CPEB2: variants seen among roughly 807,000 people sequenced by gnomAD.
CPEB2 encodes the protein cytoplasmic polyadenylation element-binding protein 2.
In CPEB2, 56 loss-of-function variants were observed where a neutral mutation model predicts 93.6. The observed-to-expected ratio is 0.60, with a 90% CI of 0.48 to 0.75. The LOEUF (loss-of-function observed/expected upper bound fraction) is 0.75. Ranked by LOEUF, CPEB2 falls within the 30% of genes least tolerant of loss-of-function variation. The pLI, the probability that CPEB2 is intolerant of heterozygous loss-of-function variation, is 0.00. For synonymous variants in CPEB2, 764 were observed against 586.3 expected, an observed-to-expected ratio of 1.30 and a Z score of -4.38; for missense variants, 1,579 against 1,395.1, an observed-to-expected ratio of 1.13 and a Z score of -2.10.
intron 4 of CPEB2, among the ~76,000 whole-genome samples, chr4:15,025,058 A>G (rs970768129): frequency 2.6e-5 from 4 of 151,798 alleles, no homozygotes; most frequent in Non-Finnish European, 5.9e-5. Flanking sequence ...ATTTTTTAAT[A>G]TTACCTCTTT....
chr4:15,031,277 T>G (rs1336830688), intron 4 of CPEB2, among the ~76,000 whole-genome samples: 2 of 151,970 alleles, frequency 1.3e-5, no homozygotes, highest in African/African-American at 4.8e-5. Flanking sequence ...GGAGTTTGTT[T>G]TTTTTTTTTA....
chr4:15,060,631 A>C (rs567967064), intron 10 of CPEB2, among the ~76,000 whole-genome samples: 1 of 152,248 alleles, frequency 6.6e-6, no homozygotes, highest in South Asian at 2.1e-4. Flanking sequence ...TAGGGAGGGA[A>C]GATTGTGGTC....
chr4:15,027,503 G>T (rs1342653089), intron 4 of CPEB2, among the ~76,000 whole-genome samples: 1 of 152,168 alleles, frequency 6.6e-6, no homozygotes, highest in African/African-American at 2.4e-5. Context: ...CCTGCCCCTT[G>T]GATCTGAGCA....
Position 15,002,806 on chromosome 4 carries a change from T to C in CPEB2, c.133T>C (p.Phe45Leu), listed in dbSNP as rs868705702. The C allele has an allele frequency of 1.3e-6, 2 of 1,535,394 alleles. No homozygotes were observed. The highest frequency in any genetic ancestry group is 1.7e-6 in the Non-Finnish European group (2 of 1,146,600). The stretch of plus-strand genomic sequence containing the variant: ...CAACCCGCTGCCCTCCGCCACGCCC[T>C]TCGGCCCACTGTCGCCACCACCGTT... ...SVNPLPSATPFGPLSPPPLPV... is the reference protein window; with the variant it reads ...SVNPLPSATPLGPLSPPPLPV... The change falls in exon 1 of 12, where the codon TTC becomes CTC. Residue 45 changes from phenylalanine (F) to leucine (L), a missense_variant. Transcript: ENST00000538197.
At chr4:15,039,406 C>A (rs1385347998) in intron 5 of CPEB2, among the ~76,000 whole-genome samples, 1 of 152,030 alleles carries the variant, frequency 6.6e-6, no homozygotes, top group South Asian at 2.1e-4. Context: ...TTTAGGTAGA[C>A]ATTTCTGGCA....
intron 6 of CPEB2, among the ~76,000 whole-genome samples, chr4:15,049,586 T>G (rs931173997): frequency 1.4e-4 from 22 of 152,324 alleles, no homozygotes; most frequent in African/African-American, 5.3e-4. Context: ...ACCTTGATGT[T>G]CATTTTATTG....
chr4:15,067,830 CT>C lies in CPEB2; in HGVS notation c.*1452del, dbSNP rs1353421329. 2 of 152,278 alleles carry C rather than the reference CT, an allele frequency of 1.3e-5. No homozygotes were observed. Among genetic ancestry groups the C allele is most frequent in the East Asian group, 3.9e-4 (2 of 5,154 alleles). The allele number at this position is 152,278 out of a possible 1,614,324, so 9.4% of individuals were successfully genotyped here. A position where few individuals can be genotyped will look rare whatever the true frequency, so the allele number is the denominator to read the frequency against. Reference sequence around the variant, plus strand: ...GGTCACTGTTGCATGGAACATTGTTCTTAATAGTTGAGAATTGCTTTTTTGA... The same window carrying C: ...GGTCACTGTTGCATGGAACATTGTTCTAATAGTTGAGAATTGCTTTTTTGA... On this transcript the variant is annotated 3_prime_UTR_variant, in exon 12 of 12. Coordinates refer to ENST00000538197, the MANE Select transcript of CPEB2 (RefSeq NM_001177382.2).
At chr4:15,065,848 A>AT (rs1729657022) in intron 11 of CPEB2, among the ~76,000 whole-genome samples, 2 of 152,072 alleles carry the variant, frequency 1.3e-5, no homozygotes, top group Admixed American at 1.3e-4. Flanking sequence ...ACTGTCTTCC[A>AT]TGACTACTTG....
At chr4:15,054,815 G>A (rs1728567048) in intron 8 of CPEB2, among the ~76,000 whole-genome samples, 1 of 152,070 alleles carries the variant, frequency 6.6e-6, no homozygotes, top group African/African-American at 2.4e-5. Context: ...GAAGAGAGGA[G>A]AAAGGAGTCT....
chr4:15,033,950 G>C (rs1430649466), intron 5 of CPEB2, among the ~76,000 whole-genome samples: 1 of 152,244 alleles, frequency 6.6e-6, no homozygotes, highest in South Asian at 2.1e-4. Context: ...AGAATGGCTT[G>C]GCTCTTGTAT....
chr4:15,003,633 T>C lies in CPEB2; in HGVS notation c.960T>C (p.Pro320=). The C allele has an allele frequency of 6.8e-7, 1 of 1,481,180 alleles. No homozygotes were observed. Among genetic ancestry groups the C allele is most frequent in the Non-Finnish European group, 8.9e-7 (1 of 1,120,384 alleles). The allele number at this position is 1,481,180 out of a possible 1,614,324, so 91.8% of individuals were successfully genotyped here. ...GCTCCATGGAGTCCCCCAACCACCCTCTGCTCAACAGTCCCAGTAACCTCC... is the reference window on the plus strand; with the variant it reads ...GCTCCATGGAGTCCCCCAACCACCCCCTGCTCAACAGTCCCAGTAACCTCC... ...APGSMESPNH[P]LLNSPSNLLP... is the part of the protein sequence containing the mutation. Residue 320 remains proline, a synonymous_variant, in exon 1 of 12, where the codon CCT becomes CCC. Coordinates refer to ENST00000538197, the MANE Select transcript of CPEB2 (RefSeq NM_001177382.2).
chr4:15,061,922 G>A (rs1009136404), intron 10 of CPEB2, among the ~76,000 whole-genome samples, 157 bp from the exon 11 acceptor site: 6 of 150,718 alleles, frequency 4.0e-5, no homozygotes, highest in Non-Finnish European at 7.4e-5. Context: ...AAGCATCCTC[G>A]ATCCCCGTCC....
chr4:15,042,771 T>C (rs1727308485), intron 6 of CPEB2, among the ~76,000 whole-genome samples: 1 of 152,184 alleles, frequency 6.6e-6, no homozygotes, highest in Admixed American at 6.5e-5. Flanking sequence ...CAGAAATGGC[T>C]AGTCACCTGG....
At chr4:15,036,449 T>G (rs1205471947) in intron 5 of CPEB2, among the ~76,000 whole-genome samples, 1 of 151,090 alleles carries the variant, frequency 6.6e-6, no homozygotes, top group Non-Finnish European at 1.5e-5. Context: ...AAAGGTGAAG[T>G]ACTTCTGAAA....
At chr4:15,065,489 T>C (rs1170589218) in intron 11 of CPEB2, among the ~76,000 whole-genome samples, 1 of 152,150 alleles carries the variant, frequency 6.6e-6, no homozygotes, top group African/African-American at 2.4e-5. Context: ...CACTGTCTTA[T>C]GCTTTTACAT....
At position 15,002,908 on chromosome 4, in the gene CPEB2, G is replaced by A. The variant is rs1251491740; in HGVS notation, c.235G>A (p.Ala79Thr). ...CGGCGGCGCGGGCAGCCCGGCCGCC[G>A]CCGCTTCCTCTTCCTCCCCGTTCCT... ...LGGGAGSPAA[A>T]ASSSSPFLAH... Residue 79 changes from alanine to threonine, a missense_variant, in exon 1 of 12, where the codon GCC becomes ACC. This residue lies in a region of CPEB2 where 1,411 missense variants were observed against 1,056.0 expected (regional missense o/e 1.34). Transcript: ENST00000538197. The A allele has an allele frequency of 6.8e-5, 102 of 1,506,272 alleles. No individual in the cohort carries two copies. The highest frequency in any genetic ancestry group is 7.8e-5 in the Non-Finnish European group (89 of 1,137,978). 93.3% of individuals were successfully genotyped at this position (1,506,272 alleles called of 1,614,324 possible).
At chr4:15,031,736 T>C (rs1726121098) in intron 4 of CPEB2, among the ~76,000 whole-genome samples, 1 of 152,218 alleles carries the variant, frequency 6.6e-6, no homozygotes, top group Non-Finnish European at 1.5e-5. Flanking sequence ...ACAGGAAACA[T>C]GTTTGGGTAC....
intron 11 of CPEB2, among the ~76,000 whole-genome samples, chr4:15,065,195 C>G (rs527647243): frequency 4.8e-4 from 73 of 152,026 alleles, no homozygotes; most frequent in South Asian, 2.3e-3. Context: ...TATTCATTTT[C>G]TGCACTCATG....
chr4:15,017,303 A>AAACATATAT, intron 4 of CPEB2, 25 bp downstream of exon 4: 4 of 1,265,136 alleles, frequency 3.2e-6, no homozygotes, highest in Non-Finnish European at 4.5e-6. Flanking sequence ...AAAAAAATAT[A>AAACATATAT]TGTTTATATT....
Sources: gnomAD v4.1 joint callset for allele counts (sites outside exome capture counted in the v4.1 genomes callset) on GRCh38, gnomAD v4.1.1 for gene constraint, gnomAD v4.1.1 regional missense constraint, MANE v1.5 for transcripts, NCBI Gene and HGNC (gene_info 2026-07-23, HGNC 2026-07-21) for gene names.